The following DDX49 variants were observed in gnomAD, a reference collection of about 807,000 sequenced individuals.
DDX49 encodes the protein DEAD-box helicase 49, also known as probable ATP-dependent RNA helicase DDX49.
A neutral mutation model predicts 56.3 loss-of-function variants in DDX49; 50 were observed. That is an observed-to-expected ratio of 0.89 (90% CI 0.71 to 1.12). DDX49 has a LOEUF of 1.12. Among genes scored for constraint, DDX49 ranks in the 50% most tolerant of loss-of-function variants. The pLI is 0.00. For missense variants in DDX49, 614 were observed against 650.5 expected (o/e 0.94, Z 0.61); for synonymous variants, 269 against 270.6 (o/e 0.99, Z 0.06).
rs763145902 is a variant in DDX49 at position 18,921,933 on chromosome 19, A to G, written c.416A>G (p.Asn139Ser). The G allele has an allele frequency of 1.9e-6, 3 of 1,613,628 alleles. No individual in the cohort carries two copies. The highest frequency in any genetic ancestry group is 2.2e-5 in the South Asian group (2 of 91,084). The change falls in exon 4 of 13, where the codon AAC (asparagine) becomes AGC (serine). Residue 139 changes from asparagine to serine, a missense_variant. Coordinates refer to ENST00000247003, the MANE Select transcript of DDX49 (RefSeq NM_019070.5). ...GRLADHLRSS[N>S]TFSIKKIRFL... Reference sequence around the variant, plus strand: ...CTGGCAGATCACCTGCGCAGCTCCAACACTTTTAGTATAAAGAAGATCCGC... The same window carrying G: ...CTGGCAGATCACCTGCGCAGCTCCAGCACTTTTAGTATAAAGAAGATCCGC...
rs1601252638 is a variant in DDX49, at chr19:18,924,243, A to G, written c.787A>G (p.Ile263Val). 1.2e-6 allele frequency: 2 copies of G among 1,613,908 alleles called. No individual in the cohort carries two copies. Among genetic ancestry groups the G allele is most frequent in the Non-Finnish European group, 1.7e-6 (2 of 1,179,986 alleles). The change falls in exon 7 of 13, where the codon ATT (isoleucine) becomes GTT (valine). Residue 263 changes from isoleucine (I) to valine (V), a missense_variant. Ile to Val is a conservative substitution (Grantham distance 29). Coordinates refer to ENST00000247003, the MANE Select transcript of DDX49 (RefSeq NM_019070.5). The stretch of plus-strand genomic sequence containing the variant: ...CATCCTTCCCGCCAGGACCTGCCAG[A>G]TTCTGTGCATGATGCTGCGCAAATT... Reference protein sequence around the residue: ...IFTNTCKTCQILCMMLRKFSF... With the variant: ...IFTNTCKTCQVLCMMLRKFSF...
chr19:18,927,070 CAAAAAAAAAAA>C (rs35034273), intron 10 of DDX49, among the ~76,000 whole-genome samples: 3 of 74,782 alleles, frequency 4.0e-5, no homozygotes, highest in African/African-American at 1.6e-4. Context: ...GACTCTGTCT[CAAAAAAAAAAA>C]AAAAAAAAAA....
Position 18,928,414 on chromosome 19 carries a change from C to CA in DDX49, c.*99dup. 4 of 1,213,694 alleles carry CA rather than the reference C, an allele frequency of 3.3e-6. 1 individual carries two copies. The highest frequency in any genetic ancestry group is 4.5e-6 in the Non-Finnish European group (4 of 897,332). 75.2% of individuals were successfully genotyped at this position (1,213,694 alleles called of 1,614,324 possible). On this transcript the variant is annotated 3_prime_UTR_variant, in exon 13 of 13. Coordinates refer to ENST00000247003, the MANE Select transcript of DDX49 (RefSeq NM_019070.5). ...CAGCAGCCCTTCCCGGGGGCCTACC[C>CA]AGTGCCCCACAGCAGAACCCGTGGG...
At chr19:18,925,380 ACT>A (rs1437854729) in intron 9 of DDX49, among the ~76,000 whole-genome samples, 2 of 151,610 alleles carry the variant, frequency 1.3e-5, no homozygotes, top group African/African-American at 4.9e-5. Flanking sequence ...ATAGTGAAAC[ACT>A]GTCTTACTAA....
At chr19:18,924,744 T>C in intron 8 of DDX49, 45 bp downstream of exon 8, 2 of 1,613,756 alleles carry the variant, frequency 1.2e-6, no homozygotes, top group Non-Finnish European at 1.7e-6. Flanking sequence ...CCTCTTTTAC[T>C]ACAAGGCCCC....
chr19:18,926,383 T>A lies in DDX49; in HGVS notation c.1102+6T>A, dbSNP rs1568331110. The stretch of plus-strand genomic sequence containing the variant: ...CGCCATCGAGGAGCAGATCAGTGAG[T>A]GGGGTTGGGGTGGGTGGTAGAGAAG... On this transcript the variant is annotated splice_donor_region_variant and intron_variant, in intron 10 of 12. Transcript: ENST00000247003. 3 of 593,834 alleles carry A rather than the reference T, an allele frequency of 5.1e-6. No homozygotes were observed. In the South Asian group the frequency reaches 1.0e-4, roughly 21 times the overall value. The allele number at this position is 593,834 out of a possible 1,614,324, so 36.8% of individuals were successfully genotyped here. A position where few individuals can be genotyped will look rare whatever the true frequency, so the allele number is the denominator to read the frequency against.
intron 9 of DDX49, 116 bp from the exon 10 acceptor site, chr19:18,926,187 C>G (rs772140999): frequency 4.5e-6 from 5 of 1,121,762 alleles, no homozygotes; most frequent in Non-Finnish European, 6.5e-6. Context: ...CTCCCAAGCC[C>G]AAGCCCTTGT....
In DDX49 at chr19:18,919,759, GCT is replaced by G. The variant is rs768931358; in HGVS notation, c.20_21del (p.Leu7ArgfsTer40). 1 of 1,611,746 alleles carries G rather than the reference GCT, an allele frequency of 6.2e-7. No individual in the cohort carries two copies. Among genetic ancestry groups the G allele is most frequent in the South Asian group, 1.1e-5 (1 of 91,044 alleles). On this transcript the variant is annotated frameshift_variant, in exon 1 of 13. Transcript: ENST00000247003. LOFTEE classifies it high-confidence loss of function. Reference protein sequence around the residue: MAGFAELGLSSWLVEQC... With the variant: MAGFAEXGLSSWLVEQC... ...CCACAAGGATGGCAGGCTTCGCGGA[GCT>G]CGGGCTGTCATCGTGGCTCGTGGAA...
At chr19:18,920,724 C>T (rs2231995) in intron 2 of DDX49, 21 bp downstream of exon 2, 20,882 of 1,586,848 alleles carry the variant, frequency 0.013, 198 homozygotes, top group Non-Finnish European at 0.016. Context: ...AGCAGGCCTC[C>T]TGGGTATGGG....
At chr19:18,920,556 G>T (rs2056906187) in intron 1 of DDX49, 24 bp from the exon 2 acceptor site, 1 of 1,580,224 alleles carries the variant, frequency 6.3e-7, no homozygotes, top group African/African-American at 1.3e-5. Flanking sequence ...GGAGGGTGTT[G>T]ATGCTGCTTT....
chr19:18,927,353 C>T (rs574460054), intron 10 of DDX49, among the ~76,000 whole-genome samples: 11 of 151,880 alleles, frequency 7.2e-5, no homozygotes, highest in Non-Finnish European at 1.3e-4. Flanking sequence ...CCAGCATGGG[C>T]GACAGAGTAA....
chr19:18,922,822 A>G (rs2056930581), intron 6 of DDX49, 78 bp downstream of exon 6: 4 of 1,529,904 alleles, frequency 2.6e-6, no homozygotes, highest in Non-Finnish European at 2.7e-6. Context: ...TGGGACACAC[A>G]GCCAGTCTCA....
At chr19:18,926,423 GCAGA>G in intron 10 of DDX49, 46 bp downstream of exon 10, 1 of 490,292 alleles carries the variant, frequency 2.0e-6, no homozygotes, top group Non-Finnish European at 3.9e-6. Context: ...GGTGGGGTGG[GCAGA>G]GGTGGGCACC....
Position 18,928,003 on chromosome 19 carries a change from C to T in DDX49, c.1230C>T (p.Ile410=). The part of the protein sequence containing the change: ...EAAHFDEKKE[I]NKRKQLILEG... ...CCCACTTTGACGAAAAGAAGGAGAT[C>T]AACAAACGGAAGCAGCTGATCCTGG... The change falls in exon 12 of 13, where the codon ATC becomes ATT. Residue 410 remains isoleucine, a synonymous_variant. Transcript: ENST00000247003. 1 of 1,613,628 alleles carries T rather than the reference C, an allele frequency of 6.2e-7. No homozygotes were observed.
rs2056946358 is a variant in DDX49 at position 18,924,667 on chromosome 19, C to T, written c.897C>T (p.Tyr299=). ...AALAKFKSSI[Y]RILIATDVAS... is the part of the protein sequence containing the mutation. ...TAGCCAAGTTCAAGTCCAGCATCTA[C>T]CGGATCCTGATCGCAACAGACGTGG... The change falls in exon 8 of 13, where the codon TAC becomes TAT. Residue 299 remains tyrosine (Y), a synonymous_variant. Transcript: ENST00000247003. 1 of 1,614,246 alleles carries T rather than the reference C, an allele frequency of 6.2e-7. No individual in the cohort carries two copies. The highest frequency in any genetic ancestry group is 8.5e-7 in the Non-Finnish European group (1 of 1,180,048).
chr19:18,926,419 G>GGGGT, intron 10 of DDX49, 42 bp downstream of exon 10: 1 of 1,268,066 alleles, frequency 7.9e-7, no homozygotes, highest in African/African-American at 1.5e-5. Context: ...GAGGGGTGGG[G>GGGGT]TGGGCAGAGG....
At position 18,928,031 on chromosome 19, in the gene DDX49, G is replaced by C; in HGVS notation, c.1258G>C (p.Gly420Arg). ...INKRKQLILE[G>R]KDPDLEAKRK... is the part of the protein sequence containing the mutation. Reference sequence around the variant, plus strand: ...CAAACGGAAGCAGCTGATCCTGGAGGGGAAGGTGAGGGCCGAGCCCGCAGG... The same window carrying C: ...CAAACGGAAGCAGCTGATCCTGGAGCGGAAGGTGAGGGCCGAGCCCGCAGG... Residue 420 changes from glycine (G) to arginine (R), a missense_variant, in exon 12 of 13, where the codon GGG becomes CGG. Transcript: ENST00000247003. 6.2e-7 allele frequency: 1 copy of C among 1,613,856 alleles called. No individual in the cohort carries two copies.
At chr19:18,924,416 C>G in intron 7 of DDX49, 108 bp downstream of exon 7, 4 of 1,181,276 alleles carry the variant, frequency 3.4e-6, no homozygotes, top group Non-Finnish European at 5.0e-6. Flanking sequence ...GCCACCTGGT[C>G]TCTTCTGGTC....
chr19:18,921,634 G>A, intron 2 of DDX49, 29 bp from the exon 3 acceptor site: 6 of 1,610,238 alleles, frequency 3.7e-6, no homozygotes, highest in Non-Finnish European at 5.1e-6. Flanking sequence ...ACCACTACCT[G>A]ACCCAGCCTG....
Sources: gnomAD v4.1 joint callset for allele counts (sites outside exome capture counted in the v4.1 genomes callset) on GRCh38, gnomAD v4.1.1 for gene constraint, MANE v1.5 for transcripts, NCBI Gene and HGNC (gene_info 2026-07-23, HGNC 2026-07-21) for gene names.